The following SENP7 variants were observed in gnomAD, a reference collection of about 807,000 sequenced individuals.
SENP7 encodes the protein sentrin-specific protease 7.
SENP7 carries 64 observed loss-of-function variants against 141.2 expected under a neutral mutation model. The ratio of observed to expected loss-of-function variants is 0.45; its 90% CI spans 0.37 to 0.56. The LOEUF (loss-of-function observed/expected upper bound fraction) is 0.56, where lower values mean the gene tolerates loss of function less well. Among genes scored for constraint, SENP7 ranks in the 20% least tolerant of loss-of-function variants. The probability of loss-of-function intolerance (pLI) is 0.00; values close to 1 mark genes in which losing one functional copy is unlikely to be tolerated. For synonymous variants in SENP7, 382 were observed against 426.4 expected (o/e 0.90, Z 1.28); for missense variants, 1,025 against 1,212.2 (o/e 0.85, Z 2.29).
chr3:101,334,127 GGCCTGGCTCCTAA>G (rs2059126290), intron 17 of SENP7, among the ~76,000 whole-genome samples: 1 of 152,156 alleles, frequency 6.6e-6, no homozygotes, highest in Non-Finnish European at 1.5e-5. Flanking sequence ...CCTGCTGAGT[GGCCTGGCTCCTAA>G]CAGGCCACAG....
chr3:101,361,665 T>C (rs2059905822), intron 11 of SENP7, 50 bp downstream of exon 11: 4 of 1,464,352 alleles, frequency 2.7e-6, no homozygotes, highest in Non-Finnish European at 2.7e-6. Context: ...AAAATTAAAA[T>C]GCCTTGTCCA....
intron 6 of SENP7, among the ~76,000 whole-genome samples, chr3:101,376,761 G>A (rs181520704): frequency 2.6e-5 from 4 of 151,764 alleles, no homozygotes; most frequent in Middle Eastern, 3.4e-3. Context: ...TTGTGCACAT[G>A]TACCCTAAAA....
intron 16 of SENP7, 24 bp downstream of exon 16, chr3:101,340,071 A>C: frequency 6.5e-7 from 1 of 1,536,394 alleles, no homozygotes; most frequent in Non-Finnish European, 8.7e-7. Context: ...TAAAATATGT[A>C]GGATCATTTA....
At chr3:101,364,339 C>A (rs1207367925) in intron 10 of SENP7, among the ~76,000 whole-genome samples, 1 of 152,216 alleles carries the variant, frequency 6.6e-6, no homozygotes, top group African/African-American at 2.4e-5. Flanking sequence ...ATTAAACTAA[C>A]ACACTTCCAT....
intron 10 of SENP7, chr3:101,363,124 AT>A: frequency 1.1e-6 from 1 of 928,240 alleles, no homozygotes. Flanking sequence ...TCATAACGCC[AT>A]TTACCTGCTT....
chr3:101,466,783 G>C (rs1451619713), intron 3 of SENP7, among the ~76,000 whole-genome samples: 5 of 152,156 alleles, frequency 3.3e-5, no homozygotes, highest in African/African-American at 1.2e-4. Flanking sequence ...GAAGATGGGT[G>C]ATTTCTGCAT....
chr3:101,416,548 GCA>G (rs1559793343), intron 5 of SENP7, among the ~76,000 whole-genome samples: 1 of 152,178 alleles, frequency 6.6e-6, no homozygotes, highest in Non-Finnish European at 1.5e-5. Flanking sequence ...TAGAATGAGA[GCA>G]AGCTGCTTCA....
intron 4 of SENP7, among the ~76,000 whole-genome samples, chr3:101,441,241 T>C (rs1214498441): frequency 5.3e-5 from 8 of 152,194 alleles, no homozygotes; most frequent in African/African-American, 1.7e-4. Context: ...CACTCATTGC[T>C]GCCAGTGCCC....
intron 4 of SENP7, among the ~76,000 whole-genome samples, chr3:101,444,876 A>G (rs1441036353): frequency 2.6e-5 from 4 of 151,842 alleles, no homozygotes; most frequent in Non-Finnish European, 5.9e-5. Flanking sequence ...CATGTACCCT[A>G]AAACTTAAAG....
chr3:101,506,019 AAT>A (rs1559924591), intron 1 of SENP7, among the ~76,000 whole-genome samples: 1 of 142,126 alleles, frequency 7.0e-6, no homozygotes, highest in African/African-American at 2.6e-5. Flanking sequence ...TTTATTCCAT[AAT>A]TTTTTTTTTT....
chr3:101,344,638 C>T (rs2433032), intron 13 of SENP7, among the ~76,000 whole-genome samples: 137,911 of 152,134 alleles, frequency 0.91, 62,621 homozygotes, highest in East Asian at 1. Flanking sequence ...CTAAACAAAG[C>T]TGAAAAATAT....
At chr3:101,411,893 GA>G (rs1407360600) in intron 5 of SENP7, among the ~76,000 whole-genome samples, 1 of 152,120 alleles carries the variant, frequency 6.6e-6, no homozygotes, top group Non-Finnish European at 1.5e-5. Context: ...AACAAATTTT[GA>G]AATGCAGTGA....
intron 3 of SENP7, among the ~76,000 whole-genome samples, chr3:101,475,937 G>A (rs984672074): frequency 2.0e-5 from 3 of 151,982 alleles, no homozygotes; most frequent in African/African-American, 7.3e-5. Flanking sequence ...TCAACATGCA[G>A]AAGGAAAATA....
At chr3:101,353,173 C>T (rs538534866) in intron 11 of SENP7, among the ~76,000 whole-genome samples, 4 of 151,952 alleles carry the variant, frequency 2.6e-5, no homozygotes, top group African/African-American at 9.7e-5. Flanking sequence ...TATACTGCCC[C>T]TTTCCAAACT....
intron 4 of SENP7, among the ~76,000 whole-genome samples, chr3:101,446,242 G>T (rs1576376140): frequency 1.3e-5 from 2 of 152,152 alleles, no homozygotes; most frequent in East Asian, 3.8e-4. Context: ...AGAAACAGAA[G>T]CCTGGACAGC....
At position 101,474,431 on chromosome 3, in the gene SENP7, C is replaced by G. The variant is rs548573964; in HGVS notation, c.187-15379G>C. ...TAGATGTATTCCTAGGTATTTTATTCTTTTTGTGGCAGTTCTGAATGAGTT... is the reference window on the plus strand; with the variant it reads ...TAGATGTATTCCTAGGTATTTTATTGTTTTTGTGGCAGTTCTGAATGAGTT... On this transcript the variant is annotated intron_variant, in intron 3 of 23. Transcript: ENST00000394095. Among the ~76,000 whole-genome samples the G allele has an allele frequency of 4.6e-5, 7 of 152,190 alleles. No individual in the cohort carries two copies. The South Asian group carries it at 1.2e-3, about 27-fold the overall frequency.
chr3:101,326,049 T>C lies in SENP7; in HGVS notation c.3047A>G (p.His1016Arg), dbSNP rs145893689. Residue 1016 changes from histidine to arginine, a missense_variant, in exon 24 of 24, where the codon CAT becomes CGT. Transcript: ENST00000394095. ...DPIVNFELPI[H>R]LEKWFPRHVI... ...ATGACGAGGAAACCACTTCTCCAAA[T>C]GAATTGGAAGTTCAAAGTTAACAAT... is the stretch of plus-strand genomic sequence containing the variant. 2,242 of 1,609,264 alleles carry C rather than the reference T, an allele frequency of 1.4e-3. 26 individuals carry two copies. The African/African-American group carries it at 0.026, about 19-fold the overall frequency.
At chr3:101,355,134 C>G (rs1254825270) in intron 11 of SENP7, among the ~76,000 whole-genome samples, 1 of 152,024 alleles carries the variant, frequency 6.6e-6, no homozygotes, top group Admixed American at 6.6e-5. Flanking sequence ...CAGATGCCTA[C>G]TTTGCAAATA....
intron 11 of SENP7, among the ~76,000 whole-genome samples, chr3:101,353,277 T>C (rs774530363): frequency 2.0e-5 from 3 of 152,014 alleles, no homozygotes; most frequent in Non-Finnish European, 4.4e-5. Context: ...AAGCGGTGTT[T>C]GCCTTTCAGA....
Sources: allele counts gnomAD v4.1 joint callset (sites outside exome capture counted in the v4.1 genomes callset), GRCh38; gene constraint gnomAD v4.1.1; transcripts MANE v1.5; gene names NCBI Gene and HGNC (gene_info 2026-07-23, HGNC 2026-07-21).